DSCAML1: variants seen among roughly 807,000 people sequenced by gnomAD.
DSCAML1 encodes cell adhesion molecule DSCAML1.
DSCAML1 carries 38 observed loss-of-function variants against 200.5 expected under a neutral mutation model. That is an observed-to-expected ratio of 0.19 (90% CI 0.15 to 0.25). The LOEUF is 0.25. Ranked by LOEUF, DSCAML1 falls within the 10% of genes least tolerant of loss-of-function variation. DSCAML1 has a pLI of 1.00. For synonymous variants in DSCAML1, 1,215 were observed against 1,165.0 expected (o/e 1.04, Z -0.87); for missense variants, 2,223 against 2,858.8 (o/e 0.78, Z 5.07).
chr11:117,665,968 A>G (rs1591378228), intron 3 of DSCAML1, among the ~76,000 whole-genome samples: 2 of 152,046 alleles, frequency 1.3e-5, no homozygotes, highest in Admixed American at 1.3e-4. Context: ...ACAGTCCAGG[A>G]CCCTCTCTCT....
intron 3 of DSCAML1, among the ~76,000 whole-genome samples, chr11:117,744,084 T>G (rs923864739): frequency 6.6e-6 from 1 of 152,202 alleles, no homozygotes; most frequent in Non-Finnish European, 1.5e-5. Flanking sequence ...TAAATCATAA[T>G]CGATAATGAT....
chr11:117,780,873 A>T lies in DSCAML1; in HGVS notation c.47-63T>A. ...GGCTCTAACAATACCCATATAAGCC[A>T]CGGAGGCTTGCGACAGGCTGCACTC... On this transcript the variant is annotated intron_variant, in intron 1 of 32. Transcript: ENST00000651296. This position sits in a 1 kb window ranked among gnomAD's most constrained non-coding sequence, Gnocchi z 4.8. 7.5e-7 allele frequency: 1 copy of T among 1,328,614 alleles called. No individual in the cohort carries two copies. Among genetic ancestry groups the T allele is most frequent in the Non-Finnish European group, 9.7e-7 (1 of 1,027,854 alleles). 82.3% of individuals were successfully genotyped at this position (1,328,614 alleles called of 1,614,324 possible). A position where few individuals can be genotyped will look rare whatever the true frequency, so the allele number is the denominator to read the frequency against.
At chr11:117,703,822 T>C (rs941786929) in intron 3 of DSCAML1, among the ~76,000 whole-genome samples, 2 of 151,966 alleles carry the variant, frequency 1.3e-5, no homozygotes, top group African/African-American at 2.4e-5. Flanking sequence ...CCAAGAAACA[T>C]TGAGAGGAAA....
At chr11:117,724,598 A>G (rs1325887436) in intron 3 of DSCAML1, among the ~76,000 whole-genome samples, 1 of 152,268 alleles carries the variant, frequency 6.6e-6, no homozygotes, top group East Asian at 1.9e-4. Flanking sequence ...AGCGGGAACA[A>G]CAGGCAGCTT....
At chr11:117,747,624 G>T (rs913470894) in intron 3 of DSCAML1, among the ~76,000 whole-genome samples, 1 of 152,230 alleles carries the variant, frequency 6.6e-6, no homozygotes, top group African/African-American at 2.4e-5. Context: ...CACCATGGCA[G>T]CCAGAAGAAT....
chr11:117,436,397 C>A (rs1425950947), intron 26 of DSCAML1, among the ~76,000 whole-genome samples: 1 of 152,166 alleles, frequency 6.6e-6, no homozygotes, highest in Admixed American at 6.5e-5. Context: ...CTTCATGAAG[C>A]CTTCCTTGCT....
At chr11:117,704,831 G>A (rs77580732) in intron 3 of DSCAML1, among the ~76,000 whole-genome samples, 1,583 of 152,302 alleles carry the variant, frequency 0.01, 23 homozygotes, top group African/African-American at 0.035. Context: ...CCTCATAGCA[G>A]GGATGGTACT....
rs3216151 is a variant in DSCAML1 at position 117,469,783 on chromosome 11, A to AG, written c.3024+126dup. ...CCATCTCTCAAATCTCACTAGGTTT[A>AG]GTGACAAAACAGACATGGGCATCAT... On this transcript the variant is annotated intron_variant, in intron 16 of 32. Transcript: ENST00000651296. This position sits in a 1 kb window ranked among gnomAD's most constrained non-coding sequence, Gnocchi z 4.1. 0.073 allele frequency: 58,078 copies of AG among 794,184 alleles called. 2,443 individuals are homozygous for AG. Among genetic ancestry groups the AG allele is most frequent in the Admixed American group, 0.079 (2,566 of 32,326 alleles). The allele number at this position is 794,184 out of a possible 1,614,324, so 49.2% of individuals were successfully genotyped here.
intron 3 of DSCAML1, among the ~76,000 whole-genome samples, chr11:117,540,962 G>T (rs562007060): frequency 2.0e-5 from 3 of 152,372 alleles, no homozygotes; most frequent in African/African-American, 7.2e-5. Flanking sequence ...GGGGATTTCA[G>T]TCTTGAATAG....
chr11:117,542,357 A>AC (rs748565815), intron 3 of DSCAML1, among the ~76,000 whole-genome samples: 2,806 of 150,634 alleles, frequency 0.019, 29 homozygotes, highest in Admixed American at 0.024. Context: ...CAACAACAAA[A>AC]AAAAAACAGT....
At chr11:117,550,867 G>T (rs530209755) in intron 3 of DSCAML1, among the ~76,000 whole-genome samples, 1 of 152,302 alleles carries the variant, frequency 6.6e-6, no homozygotes, top group South Asian at 2.1e-4. Flanking sequence ...CTCTACCTCT[G>T]TTAACTCCTC....
At chr11:117,559,893 GA>G (rs1301673215) in intron 3 of DSCAML1, among the ~76,000 whole-genome samples, 1 of 152,124 alleles carries the variant, frequency 6.6e-6, no homozygotes, top group Non-Finnish European at 1.5e-5. Context: ...ATACAGGAAG[GA>G]AGGGCCTAGA....
intron 18 of DSCAML1, 132 bp from the exon 19 acceptor site, chr11:117,459,041 G>A (rs2048428305): frequency 8.2e-7 from 1 of 1,217,014 alleles, no homozygotes; most frequent in Non-Finnish European, 1.1e-6. Context: ...GCGAGGACTA[G>A]AGGGTCTTTC....
At chr11:117,502,104 C>T (rs1226998626) in intron 11 of DSCAML1, among the ~76,000 whole-genome samples, 1 of 152,138 alleles carries the variant, frequency 6.6e-6, no homozygotes, top group African/African-American at 2.4e-5. Context: ...TGCTGGGTTG[C>T]CAAGTGAGGA....
intron 11 of DSCAML1, among the ~76,000 whole-genome samples, chr11:117,486,469 A>AGTGGCATAT (rs1565731600): frequency 4.0e-5 from 2 of 49,522 alleles, no homozygotes; most frequent in African/African-American, 2.0e-4. Context: ...CGGATGTGAA[A>AGTGGCATAT]ATGGTGGATG....
intron 3 of DSCAML1, among the ~76,000 whole-genome samples, chr11:117,602,187 C>T (rs180805321): frequency 6.6e-6 from 1 of 152,254 alleles, no homozygotes; most frequent in Non-Finnish European, 1.5e-5. Context: ...TAGGTTTGAG[C>T]ACCTGCTTTA....
chr11:117,762,558 G>T (rs1030238439), intron 3 of DSCAML1, among the ~76,000 whole-genome samples: 8 of 152,090 alleles, frequency 5.3e-5, no homozygotes, highest in Admixed American at 2.0e-4. Flanking sequence ...ATCATGATGA[G>T]AATCAAATTT....
At chr11:117,770,031 C>G (rs2055008724) in intron 3 of DSCAML1, among the ~76,000 whole-genome samples, 1 of 152,196 alleles carries the variant, frequency 6.6e-6, no homozygotes, top group South Asian at 2.1e-4. Flanking sequence ...TGCACTGTCA[C>G]CTCCACCTAA....
intron 3 of DSCAML1, among the ~76,000 whole-genome samples, chr11:117,593,185 C>T (rs1330041650): frequency 6.6e-6 from 1 of 152,092 alleles, no homozygotes; most frequent in Non-Finnish European, 1.5e-5. Context: ...CTCGGCGGTG[C>T]CCACACACAG....
Sources: gnomAD v4.1 joint callset for allele counts (sites outside exome capture counted in the v4.1 genomes callset) on GRCh38, gnomAD v4.1.1 for gene constraint, Gnocchi (gnomAD v3.1) non-coding constraint, MANE v1.5 for transcripts, NCBI Gene and HGNC (gene_info 2026-07-23, HGNC 2026-07-21) for gene names.